The following KCNIP4 variants were observed in gnomAD, a reference collection of about 807,000 sequenced individuals.
The protein encoded by KCNIP4 is potassium voltage-gated channel interacting protein 4, also known as Kv channel-interacting protein 4.
Under a neutral mutation model 34.0 loss-of-function variants are expected in KCNIP4, and 12 were observed. The ratio of observed to expected loss-of-function variants is 0.35; its 90% CI spans 0.23 to 0.57. KCNIP4 has a LOEUF of 0.57. Ranked by LOEUF, KCNIP4 falls within the 20% of genes least tolerant of loss-of-function variation. The pLI is 0.83. For missense variants in KCNIP4, 238 were observed against 311.7 expected, an observed-to-expected ratio of 0.76 and a Z score of 1.78; for synonymous variants, 124 against 102.2, an observed-to-expected ratio of 1.21 and a Z score of -1.29.
chr4:21,021,533 A>G (rs1740033398), intron 1 of KCNIP4, among the ~76,000 whole-genome samples: 1 of 152,126 alleles, frequency 6.6e-6, no homozygotes, highest in Non-Finnish European at 1.5e-5. Flanking sequence ...TTCTTTCTTT[A>G]TATTCTTATT....
At chr4:20,926,501 C>A (rs901689375) in intron 1 of KCNIP4, among the ~76,000 whole-genome samples, 5 of 152,194 alleles carry the variant, frequency 3.3e-5, no homozygotes, top group African/African-American at 7.2e-5. Context: ...TTGCAAGACA[C>A]CTTCAGCTGC....
At chr4:20,986,046 C>A (rs1463937342) in intron 1 of KCNIP4, among the ~76,000 whole-genome samples, 1 of 152,158 alleles carries the variant, frequency 6.6e-6, no homozygotes, top group East Asian at 1.9e-4. Flanking sequence ...GAGCTGAGCC[C>A]AGTCCCTGGG....
intron 1 of KCNIP4, among the ~76,000 whole-genome samples, chr4:21,475,369 G>A (rs1219539627): frequency 2.0e-5 from 3 of 152,028 alleles, no homozygotes; most frequent in Non-Finnish European, 4.4e-5. Flanking sequence ...AGTGAAAGCG[G>A]AGCCCAGACC....
intron 1 of KCNIP4, chr4:21,316,618 G>T: frequency 6.6e-6 from 1 of 152,298 alleles, no homozygotes. Context: ...ACTTGAAGCT[G>T]GTTGGCACTA....
intron 1 of KCNIP4, among the ~76,000 whole-genome samples, chr4:21,619,951 T>A (rs2109173084): frequency 1.3e-5 from 2 of 152,356 alleles, no homozygotes; most frequent in South Asian, 4.1e-4. Context: ...TTCCATCTTG[T>A]CTCCTGTAAA....
chr4:21,377,657 G>C (rs1495523), intron 1 of KCNIP4, among the ~76,000 whole-genome samples: 1 of 151,968 alleles, frequency 6.6e-6, no homozygotes, highest in Non-Finnish European at 1.5e-5. Flanking sequence ...GGTTGTTTGC[G>C]TCCAAGCTTG....
chr4:21,346,821 A>G (rs1043387957), intron 1 of KCNIP4, among the ~76,000 whole-genome samples: 1 of 152,036 alleles, frequency 6.6e-6, no homozygotes, highest in African/African-American at 2.4e-5. Context: ...ATACAATTTA[A>G]GAGAGCAACT....
chr4:21,244,441 C>G (rs1327859077), intron 1 of KCNIP4, among the ~76,000 whole-genome samples: 4 of 152,120 alleles, frequency 2.6e-5, no homozygotes, highest in Non-Finnish European at 5.9e-5. Flanking sequence ...GTTTACTATC[C>G]ATGATGCTAT....
chr4:21,003,100 C>T lies in KCNIP4; in HGVS notation c.62-120391G>A, dbSNP rs184389297. On this transcript the variant is annotated intron_variant, in intron 1 of 8. Coordinates refer to ENST00000382152, the MANE Select transcript of KCNIP4 (RefSeq NM_025221.6). ...CGTGTACCATTTCCCAAGTTTAACA[C>T]GTTTGATCTGCTGATGTCCTCTAGT... is the stretch of plus-strand genomic sequence containing the variant. Among the ~76,000 whole-genome samples, 6 of 152,258 alleles carry T rather than the reference C, an allele frequency of 3.9e-5. No individual in the cohort carries two copies. The East Asian group carries it at 5.8e-4, about 15-fold the overall frequency.
rs111363138 is a variant in KCNIP4 at position 21,076,298 on chromosome 4, C to A, written c.62-193589G>T. Reference sequence around the variant, plus strand: ...ACACCAATCAGAATCTTATCAATATCCTCATCTCCCACATGAATATTCTCT... The same window carrying A: ...ACACCAATCAGAATCTTATCAATATACTCATCTCCCACATGAATATTCTCT... On this transcript the variant is annotated intron_variant, in intron 1 of 8. Transcript: ENST00000382152. Among the ~76,000 whole-genome samples the A allele has an allele frequency of 8.5e-3, 1,297 of 152,002 alleles. 13 individuals carry two copies. Among genetic ancestry groups the A allele is most frequent in the Non-Finnish European group, 0.013 (888 of 67,864 alleles).
At chr4:21,013,168 T>C (rs1464369244) in intron 1 of KCNIP4, among the ~76,000 whole-genome samples, 1 of 152,006 alleles carries the variant, frequency 6.6e-6, no homozygotes, top group Non-Finnish European at 1.5e-5. Context: ...GACGCAGCAA[T>C]GGAATGTGAA....
At chr4:21,757,357 G>A (rs557443722) in intron 1 of KCNIP4, among the ~76,000 whole-genome samples, 117 of 152,270 alleles carry the variant, frequency 7.7e-4, no homozygotes, top group African/African-American at 2.7e-3. Context: ...CTCTTTGTGT[G>A]GGTTAGATCT....
intron 1 of KCNIP4, among the ~76,000 whole-genome samples, chr4:21,078,501 T>C (rs1222120367): frequency 6.6e-6 from 1 of 151,982 alleles, no homozygotes; most frequent in African/African-American, 2.4e-5. Context: ...TTGTGCCTCT[T>C]CTTATAAGAG....
At chr4:21,033,749 A>T (rs1455416118) in intron 1 of KCNIP4, among the ~76,000 whole-genome samples, 1 of 152,212 alleles carries the variant, frequency 6.6e-6, no homozygotes, top group African/African-American at 2.4e-5. Flanking sequence ...AGAATTTTGA[A>T]GCAACTATCA....
At chr4:20,747,662 A>G (rs991899548) in intron 5 of KCNIP4, among the ~76,000 whole-genome samples, 1 of 151,134 alleles carries the variant, frequency 6.6e-6, no homozygotes, top group African/African-American at 2.4e-5. Flanking sequence ...CTCAGCTTTT[A>G]TTTTTCTCTT....
intron 1 of KCNIP4, among the ~76,000 whole-genome samples, chr4:21,423,375 TA>T (rs1413532641): frequency 1.3e-5 from 2 of 152,244 alleles, no homozygotes; most frequent in African/African-American, 4.8e-5. Context: ...TGAGTTCACT[TA>T]AATGAGATAT....
chr4:21,020,928 G>A (rs2149747552), intron 1 of KCNIP4, among the ~76,000 whole-genome samples: 1 of 152,272 alleles, frequency 6.6e-6, no homozygotes, highest in East Asian at 1.9e-4. Flanking sequence ...ACAGAAACTT[G>A]CTAAGACTTT....
intron 1 of KCNIP4, among the ~76,000 whole-genome samples, chr4:21,094,326 T>G (rs572260598): frequency 1.3e-5 from 2 of 152,234 alleles, no homozygotes; most frequent in East Asian, 3.9e-4. Context: ...AATGAAAATT[T>G]TACCTAAAGC....
At chr4:21,612,459 CT>C (rs1744231552) in intron 1 of KCNIP4, among the ~76,000 whole-genome samples, 1 of 152,164 alleles carries the variant, frequency 6.6e-6, no homozygotes, top group Non-Finnish European at 1.5e-5. Context: ...AGAAATTGCA[CT>C]GACTGGGGCT....
Sources: allele counts gnomAD v4.1 joint callset (sites outside exome capture counted in the v4.1 genomes callset), GRCh38; gene constraint gnomAD v4.1.1; transcripts MANE v1.5; gene names NCBI Gene and HGNC (gene_info 2026-07-23, HGNC 2026-07-21).